The following FRMPD4 variants were observed in gnomAD, a reference collection of about 807,000 sequenced individuals.
FRMPD4 encodes the protein FERM and PDZ domain containing 4.
Under a neutral mutation model 94.1 loss-of-function variants are expected in FRMPD4, and 22 were observed. The ratio of observed to expected loss-of-function variants is 0.23; its 90% CI spans 0.17 to 0.33. The LOEUF (loss-of-function observed/expected upper bound fraction) is 0.33, where lower values mean the gene tolerates loss of function less well. Among genes scored for constraint, FRMPD4 ranks in the 10% least tolerant of loss-of-function variants. FRMPD4 has a pLI of 1.00. For missense variants in FRMPD4, 1,111 were observed against 1,339.9 expected (o/e 0.83, Z 2.67); for synonymous variants, 631 against 548.6 (o/e 1.15, Z -2.10).
chrX:12,004,658 C>G (rs1214932142), intron 3 of FRMPD4, among the ~76,000 whole-genome samples: 1 of 109,235 alleles, frequency 9.2e-6, no homozygotes, highest in African/African-American at 3.3e-5. Context: ...CTCTTTATAT[C>G]TGAATGTTTG....
intron 2 of FRMPD4, among the ~76,000 whole-genome samples, chrX:12,533,190 C>G (rs1175375648): frequency 1.8e-5 from 2 of 111,357 alleles, no homozygotes; most frequent in Non-Finnish European, 3.8e-5. Context: ...CTCATGAGAC[C>G]TGATGGTTTT....
chrX:11,963,395 T>A (rs1251053112), intron 3 of FRMPD4, among the ~76,000 whole-genome samples: 2 of 112,512 alleles, frequency 1.8e-5, no homozygotes, highest in African/African-American at 3.2e-5. Context: ...TATAAATTAG[T>A]AGATTTCAGT....
At chrX:12,249,911 A>G (rs1274007764) in intron 1 of FRMPD4, among the ~76,000 whole-genome samples, 1 of 111,776 alleles carries the variant, frequency 8.9e-6, no homozygotes, top group Non-Finnish European at 1.9e-5. Flanking sequence ...CAATATTCAA[A>G]GCTCCTCTGT....
chrX:12,517,369 T>A (rs2058110961), intron 2 of FRMPD4, among the ~76,000 whole-genome samples: 1 of 91,679 alleles, frequency 1.1e-5, no homozygotes, highest in African/African-American at 4.1e-5. Context: ...GGCTGCTGAC[T>A]GTTGGATGGG....
chrX:12,395,954 TA>T, intron 1 of FRMPD4: 2 of 165,304 alleles, frequency 1.2e-5, no homozygotes, highest in Non-Finnish European at 1.2e-5. Context: ...AATCTACATC[TA>T]AACCCTCAAG....
intron 3 of FRMPD4, among the ~76,000 whole-genome samples, chrX:12,009,291 TA>T (rs920657307): frequency 8.9e-6 from 1 of 112,642 alleles, no homozygotes; most frequent in Non-Finnish European, 1.9e-5. Flanking sequence ...ATTTGTCAGT[TA>T]TACTTAAAGC....
chrX:12,116,188 A>G (rs2055407227), intron 3 of FRMPD4, among the ~76,000 whole-genome samples: 1 of 111,753 alleles, frequency 8.9e-6, no homozygotes, highest in Non-Finnish European at 1.9e-5. Context: ...ATCCTCTGCC[A>G]TCAACCCCCA....
chrX:12,350,175 C>G (rs1246011315), intron 1 of FRMPD4, among the ~76,000 whole-genome samples: 2 of 111,208 alleles, frequency 1.8e-5, no homozygotes, highest in East Asian at 5.6e-4. Flanking sequence ...ACAAAGAAAA[C>G]AGATCATATA....
chrX:12,660,282 C>G lies in FRMPD4; in HGVS notation c.423-14581C>G, dbSNP rs1172478739. ...CAATTCAAATATTTACTTGACAATG[C>G]CATACCAATTGTGCCCTCCAAATTA... is the stretch of plus-strand genomic sequence containing the variant. On this transcript the variant is annotated intron_variant, in intron 4 of 16. Transcript: ENST00000675598. Among the ~76,000 whole-genome samples, 3 of 112,156 alleles carry G rather than the reference C, an allele frequency of 2.7e-5. No homozygotes were observed. In the East Asian group the frequency reaches 8.3e-4, roughly 31 times the overall value.
chrX:12,378,097 T>C (rs1485860144), intron 1 of FRMPD4, among the ~76,000 whole-genome samples: 1 of 112,272 alleles, frequency 8.9e-6, no homozygotes, highest in Non-Finnish European at 1.9e-5. Flanking sequence ...GACTGATGCT[T>C]GCAGGGCACC....
At chrX:12,077,398 T>C (rs2055028435) in intron 3 of FRMPD4, among the ~76,000 whole-genome samples, 1 of 111,862 alleles carries the variant, frequency 8.9e-6, no homozygotes, top group Non-Finnish European at 1.9e-5. Context: ...TAGACTATAT[T>C]CAGTCCCTCG....
Position 12,674,872 on chromosome X carries a change from A to G in FRMPD4, c.432A>G (p.Lys144=). The change falls in exon 5 of 17, where the codon AAA becomes AAG. Residue 144 remains lysine (K), a synonymous_variant. Coordinates refer to ENST00000675598, the MANE Select transcript of FRMPD4 (RefSeq NM_001368397.1). ...TTTTTCTCTCTTACAGAAGCTGCAA[A>G]GAATCGATACTCCTCACTGTCATTC... is the stretch of plus-strand genomic sequence containing the variant. The part of the protein sequence containing the change: ...ERVIDLVRSC[K]ESILLTVIQP... The G allele has an allele frequency of 8.6e-7, 1 of 1,164,347 alleles. No individual in the cohort carries two copies. The highest frequency in any genetic ancestry group is 1.2e-6 in the Non-Finnish European group (1 of 852,083).
At chrX:12,538,933 T>C (rs1345902447) in intron 2 of FRMPD4, among the ~76,000 whole-genome samples, 2 of 111,573 alleles carry the variant, frequency 1.8e-5, no homozygotes, top group Admixed American at 1.9e-4. Context: ...TGGAGCTGGA[T>C]GGAGAATGAC....
chrX:12,303,694 A>G (rs988354079), intron 1 of FRMPD4, among the ~76,000 whole-genome samples: 1 of 111,916 alleles, frequency 8.9e-6, no homozygotes, highest in African/African-American at 3.2e-5. Context: ...AAATAACCCA[A>G]AATAAGAAGA....
chrX:12,404,266 A>T (rs1400052607), intron 1 of FRMPD4, among the ~76,000 whole-genome samples: 1 of 112,069 alleles, frequency 8.9e-6, no homozygotes, highest in African/African-American at 3.2e-5. Context: ...CGTAGTACCC[A>T]GTCCATATTC....
intron 3 of FRMPD4, among the ~76,000 whole-genome samples, chrX:11,890,127 A>G (rs1470912655): frequency 8.9e-6 from 1 of 112,349 alleles, no homozygotes; most frequent in East Asian, 2.8e-4. Flanking sequence ...CTATTACAAC[A>G]TGGTAGCAAG....
intron 1 of FRMPD4, among the ~76,000 whole-genome samples, chrX:12,481,383 C>T (rs1397280310): frequency 1.8e-5 from 2 of 111,421 alleles, no homozygotes; most frequent in African/African-American, 6.5e-5. Flanking sequence ...TCTCCCACAT[C>T]AGACCCACCC....
At chrX:12,343,887 A>G (rs898803798) in intron 1 of FRMPD4, among the ~76,000 whole-genome samples, 2 of 112,178 alleles carry the variant, frequency 1.8e-5, no homozygotes, top group African/African-American at 6.5e-5. Flanking sequence ...TTCCGTATTT[A>G]TGTCCCAAAG....
chrX:11,850,627 A>G (rs1215541208), intron 1 of FRMPD4, among the ~76,000 whole-genome samples: 1 of 112,536 alleles, frequency 8.9e-6, no homozygotes, highest in African/African-American at 3.2e-5. Flanking sequence ...TCTTAAAAAG[A>G]AAGGAAATCC....
Sources: allele counts gnomAD v4.1 joint callset (sites outside exome capture counted in the v4.1 genomes callset), GRCh38; gene constraint gnomAD v4.1.1; transcripts MANE v1.5; gene names NCBI Gene and HGNC (gene_info 2026-07-23, HGNC 2026-07-21).